The following DOCK2 variants were observed in gnomAD, a reference collection of about 807,000 sequenced individuals.
The protein encoded by DOCK2 is dedicator of cytokinesis protein 2.
Under a neutral mutation model 248.9 loss-of-function variants are expected in DOCK2, and 87 were observed. That is an observed-to-expected ratio of 0.35 (90% CI 0.29 to 0.42). The LOEUF is 0.42. Among genes scored for constraint, DOCK2 ranks in the 10% least tolerant of loss-of-function variants. The pLI, the probability that DOCK2 is intolerant of heterozygous loss-of-function variation, is 1.00. For missense variants in DOCK2, 1,747 were observed against 2,300.2 expected (o/e 0.76, Z 4.92); for synonymous variants, 805 against 821.6 (o/e 0.98, Z 0.35).
chr5:169,637,493 G>A lies in DOCK2; in HGVS notation c.43+124G>A, dbSNP rs565096144. 9.0e-6 allele frequency: 10 copies of A among 1,111,572 alleles called. No individual in the cohort carries two copies. The Admixed American group carries it at 1.7e-4, about 19-fold the overall frequency. 68.9% of individuals were successfully genotyped at this position (1,111,572 alleles called of 1,614,324 possible). A position where few individuals can be genotyped will look rare whatever the true frequency, so the allele number is the denominator to read the frequency against. ...GCGCGCTGCCTGCAGGTCAGAGGGC[G>A]CAGCCTGCGGCGGGGCCTCGGGGCG... is the stretch of plus-strand genomic sequence containing the variant. On this transcript the variant is annotated intron_variant, in intron 1 of 51. Coordinates refer to ENST00000520908, the MANE Select transcript of DOCK2 (RefSeq NM_004946.3).
At chr5:170,031,453 C>T (rs1756132754) in intron 34 of DOCK2, among the ~76,000 whole-genome samples, 2 of 152,302 alleles carry the variant, frequency 1.3e-5, no homozygotes, top group South Asian at 4.1e-4. Flanking sequence ...GGCAAGTGTC[C>T]ACCACCCTTC....
intron 6 of DOCK2, among the ~76,000 whole-genome samples, chr5:169,678,275 GTT>G (rs869109229): frequency 6.8e-5 from 10 of 146,786 alleles, no homozygotes; most frequent in African/African-American, 2.0e-4. Flanking sequence ...AAAAGTTTTT[GTT>G]TTTTTTTTTC....
intron 27 of DOCK2, among the ~76,000 whole-genome samples, chr5:169,885,794 G>A (rs1014628648): frequency 1.3e-5 from 2 of 152,284 alleles, no homozygotes; most frequent in South Asian, 2.1e-4. Flanking sequence ...TGAATAAACC[G>A]AGGCCCAGAA....
At chr5:169,882,344 A>C (rs1581350761) in intron 27 of DOCK2, among the ~76,000 whole-genome samples, 1 of 152,212 alleles carries the variant, frequency 6.6e-6, no homozygotes, top group South Asian at 2.1e-4. Flanking sequence ...AACAAACAGC[A>C]GTAGAAATCC....
chr5:170,037,479 A>ATTT (rs537505396), intron 36 of DOCK2, among the ~76,000 whole-genome samples: 4 of 139,206 alleles, frequency 2.9e-5, no homozygotes, highest in East Asian at 4.3e-4. Context: ...CACAAAAACA[A>ATTT]ATTTTTTTTT....
intron 10 of DOCK2, among the ~76,000 whole-genome samples, chr5:169,697,435 C>T (rs753852700): frequency 1.3e-5 from 2 of 152,136 alleles, no homozygotes; most frequent in Non-Finnish European, 2.9e-5. Flanking sequence ...CAGCAGAAGC[C>T]CCAGGAGCTT....
intron 26 of DOCK2, among the ~76,000 whole-genome samples, chr5:169,812,732 C>T (rs979851824): frequency 2.0e-5 from 3 of 152,232 alleles, no homozygotes; most frequent in Non-Finnish European, 2.9e-5. Context: ...CTCACTGTTC[C>T]GATTCACTCA....
chr5:169,890,777 A>G (rs567552151), intron 27 of DOCK2, among the ~76,000 whole-genome samples: 77 of 152,278 alleles, frequency 5.1e-4, no homozygotes, highest in African/African-American at 1.8e-3. Context: ...TCATCTTTCT[A>G]TATACCATGT....
intron 27 of DOCK2, among the ~76,000 whole-genome samples, chr5:169,856,962 T>C (rs1770929668): frequency 1.3e-5 from 2 of 152,214 alleles, no homozygotes; most frequent in East Asian, 1.9e-4. Flanking sequence ...AAATCTAATA[T>C]AGTATACTTA....
At chr5:170,017,139 T>G (rs1755563998) in intron 32 of DOCK2, among the ~76,000 whole-genome samples, 1 of 152,182 alleles carries the variant, frequency 6.6e-6, no homozygotes, top group Non-Finnish European at 1.5e-5. Flanking sequence ...TCATTTAGGT[T>G]GAAAGAAAAT....
At chr5:169,705,458 A>G (rs1761214157) in intron 14 of DOCK2, among the ~76,000 whole-genome samples, 1 of 152,166 alleles carries the variant, frequency 6.6e-6, no homozygotes, top group African/African-American at 2.4e-5. Context: ...CTGGGGCCAG[A>G]CAGCCAGGTG....
chr5:169,762,633 G>C (rs145544524), intron 25 of DOCK2, among the ~76,000 whole-genome samples: 319 of 152,314 alleles, frequency 2.1e-3, no homozygotes, highest in Non-Finnish European at 3.5e-3. Flanking sequence ...CCATGTAAAA[G>C]AATGACCTGT....
chr5:169,757,044 C>G (rs1019996347), intron 23 of DOCK2, among the ~76,000 whole-genome samples: 1 of 152,054 alleles, frequency 6.6e-6, no homozygotes, highest in East Asian at 1.9e-4. Context: ...AGAAATGCAG[C>G]CTGCATTTGT....
intron 27 of DOCK2, among the ~76,000 whole-genome samples, chr5:169,947,532 C>T (rs1027308195): frequency 3.3e-5 from 5 of 152,194 alleles, no homozygotes; most frequent in African/African-American, 4.8e-5. Context: ...TCAGATTGAC[C>T]GAGTGAGGGT....
At chr5:169,791,149 A>T (rs997959931) in intron 25 of DOCK2, among the ~76,000 whole-genome samples, 7 of 152,172 alleles carry the variant, frequency 4.6e-5, no homozygotes, top group Non-Finnish European at 1.0e-4. Flanking sequence ...CATTCATCTA[A>T]CACTTACTAA....
In DOCK2 at chr5:169,654,505, C is replaced by A; in HGVS notation, c.127+19C>A. On this transcript the variant is annotated intron_variant, in intron 2 of 51. Transcript: ENST00000520908. ...TGTGGAGGTGAGTCACTGGCCCACG[C>A]CCCAAGTGCTGGACCCTTGGCTGAT... 6.2e-7 allele frequency: 1 copy of A among 1,613,758 alleles called. No individual in the cohort carries two copies. Among genetic ancestry groups the A allele is most frequent in the Non-Finnish European group, 8.5e-7 (1 of 1,179,834 alleles).
At chr5:169,740,047 C>T (rs907958883) in intron 22 of DOCK2, among the ~76,000 whole-genome samples, 1 of 152,218 alleles carries the variant, frequency 6.6e-6, no homozygotes, top group African/African-American at 2.4e-5. Flanking sequence ...TACTTAAGTG[C>T]AGAATTATGC....
chr5:170,080,513 G>A (rs1281266208), intron 50 of DOCK2: 5 of 578,540 alleles, frequency 8.6e-6, no homozygotes, highest in Non-Finnish European at 5.9e-6. Context: ...GAGGCCTGCT[G>A]TCCCTTGGGC....
intron 44 of DOCK2, among the ~76,000 whole-genome samples, chr5:170,065,880 T>C (rs1757471663): frequency 6.6e-6 from 1 of 151,922 alleles, no homozygotes; most frequent in Non-Finnish European, 1.5e-5. Flanking sequence ...ACAAGAGACT[T>C]ACCTCACCTT....
Sources: gnomAD v4.1 joint callset for allele counts (sites outside exome capture counted in the v4.1 genomes callset) on GRCh38, gnomAD v4.1.1 for gene constraint, MANE v1.5 for transcripts, NCBI Gene and HGNC (gene_info 2026-07-23, HGNC 2026-07-21) for gene names.